CMTM4: variants seen among roughly 807,000 people sequenced by gnomAD.
CMTM4 encodes CKLF-like MARVEL transmembrane domain-containing protein 4.
Under a neutral mutation model 19.0 loss-of-function variants are expected in CMTM4, and 8 were observed. That is an observed-to-expected ratio of 0.42 (90% CI 0.25 to 0.76). The LOEUF (loss-of-function observed/expected upper bound fraction) is 0.76, where lower values mean the gene tolerates loss of function less well. CMTM4 is among the 30% of genes least tolerant of loss of function. The pLI, the probability that CMTM4 is intolerant of heterozygous loss-of-function variation, is 0.27. For missense variants in CMTM4, 228 were observed against 290.2 expected (o/e 0.79, Z 1.56); for synonymous variants, 106 against 121.1 (o/e 0.88, Z 0.82).
intron 1 of CMTM4, among the ~76,000 whole-genome samples, chr16:66,694,269 G>T (rs2017190664): frequency 6.6e-6 from 1 of 152,018 alleles, no homozygotes; most frequent in African/African-American, 2.4e-5. Context: ...GATCCTTTTA[G>T]GGACAAGTTC....
chr16:66,654,317 G>A (rs2016360722), intron 1 of CMTM4, among the ~76,000 whole-genome samples: 1 of 152,152 alleles, frequency 6.6e-6, no homozygotes, highest in Admixed American at 6.6e-5. Context: ...CTAGGCACTA[G>A]TGATCACCCT....
In CMTM4 at chr16:66,621,142, A is replaced by T; in HGVS notation, c.*916T>A. 1.0e-6 allele frequency: 1 copy of T among 985,784 alleles called. No individual in the cohort carries two copies. Among genetic ancestry groups the T allele is most frequent in the Non-Finnish European group, 1.2e-6 (1 of 829,940 alleles). 61.1% of individuals were successfully genotyped at this position (985,784 alleles called of 1,614,324 possible). ...AAATTAGCACACATCCCTAAAATAG[A>T]GGGGTGTGTGTGTGCATGTGTGCGC... On this transcript the variant is annotated 3_prime_UTR_variant, in exon 4 of 4. Coordinates refer to ENST00000394106, the MANE Select transcript of CMTM4 (RefSeq NM_181521.3).
At chr16:66,626,892 G>C (rs1018291049) in intron 2 of CMTM4, among the ~76,000 whole-genome samples, 5 of 152,034 alleles carry the variant, frequency 3.3e-5, no homozygotes, top group Admixed American at 3.3e-4. Flanking sequence ...TTGAGCTCAG[G>C]AGTTCGAGAC....
At chr16:66,608,624 CCA>C in the CMTM4 span, among the ~76,000 whole-genome samples, 1 of 152,198 alleles carries the variant, frequency 6.6e-6, no homozygotes, top group Admixed American at 6.5e-5. This position sits in a 1 kb window ranked among gnomAD's most constrained non-coding sequence, Gnocchi z 5.1. Context: ...CATCCCAGCT[CCA>C]CTACTCAGCA....
chr16:66,626,906 C>T (rs551435473), intron 2 of CMTM4, among the ~76,000 whole-genome samples: 1 of 152,154 alleles, frequency 6.6e-6, no homozygotes, highest in African/African-American at 2.4e-5. Context: ...TCGAGACCAG[C>T]CTGGGCAACA....
intron 1 of CMTM4, among the ~76,000 whole-genome samples, chr16:66,645,578 C>CA (rs2016178794): frequency 1.3e-5 from 2 of 151,014 alleles, no homozygotes; most frequent in South Asian, 4.2e-4. Flanking sequence ...ATCTCAAAAA[C>CA]AAAAAACAAA....
chr16:66,638,830 A>G (rs1027364648), intron 1 of CMTM4, among the ~76,000 whole-genome samples: 2 of 152,124 alleles, frequency 1.3e-5, no homozygotes, highest in African/African-American at 4.8e-5. Flanking sequence ...ACTGCACTCT[A>G]GCCTGGGCGA....
chr16:66,612,708 C>T (rs1202645707), downstream of CMTM4: 15 of 1,497,910 alleles, frequency 1.0e-5, 1 homozygote, highest in South Asian at 3.4e-5. This position sits in a 1 kb window ranked among gnomAD's most constrained non-coding sequence, Gnocchi z 6.0. Flanking sequence ...GGGTCGCTGG[C>T]GTTGGAGCGG....
chr16:66,617,237 A>T lies in CMTM4; in HGVS notation c.*4821T>A. 1 of 1,592,902 alleles carries T rather than the reference A, an allele frequency of 6.3e-7. No homozygotes were observed. Among genetic ancestry groups the T allele is most frequent in the African/African-American group, 1.3e-5 (1 of 74,366 alleles). On this transcript the variant is annotated 3_prime_UTR_variant, in exon 4 of 4. Coordinates refer to ENST00000394106, the MANE Select transcript of CMTM4 (RefSeq NM_181521.3). ...ACATAGACAACAAACTTACCCTATG[A>T]AATAGATACACAGTTCAAGGACCCA...
chr16:66,641,732 CTG>C (rs2016100176), intron 1 of CMTM4, among the ~76,000 whole-genome samples: 2 of 152,312 alleles, frequency 1.3e-5, no homozygotes, highest in African/African-American at 4.8e-5. Flanking sequence ...CAAATGGTCA[CTG>C]TGTTCAAAAT....
At chr16:66,670,794 A>G (rs1327716034) in intron 1 of CMTM4, among the ~76,000 whole-genome samples, 1 of 151,986 alleles carries the variant, frequency 6.6e-6, no homozygotes, top group Non-Finnish European at 1.5e-5. Flanking sequence ...GCAAGACTCC[A>G]TATAAAAAAA....
chr16:66,680,773 C>CAA (rs35127974), intron 1 of CMTM4, among the ~76,000 whole-genome samples: 514 of 32,192 alleles, frequency 0.016, 34 homozygotes, highest in Non-Finnish European at 0.022. Flanking sequence ...GACTCCGTCT[C>CAA]AAAAAAAAAA....
chr16:66,688,531 C>T (rs1596966510), intron 1 of CMTM4, among the ~76,000 whole-genome samples: 1 of 129,346 alleles, frequency 7.7e-6, no homozygotes, highest in Admixed American at 8.3e-5. Flanking sequence ...CCCCTCAACA[C>T]ACACACACAC....
At chr16:66,625,521 T>G (rs1219713693) in intron 2 of CMTM4, among the ~76,000 whole-genome samples, 1 of 152,020 alleles carries the variant, frequency 6.6e-6, no homozygotes, top group African/African-American at 2.4e-5. Flanking sequence ...TTTGCTTTAG[T>G]AATGATCATT....
At chr16:66,608,350 A>G in the CMTM4 span, 1 of 1,614,204 alleles carries the variant, frequency 6.2e-7, no homozygotes. This position sits in a 1 kb window ranked among gnomAD's most constrained non-coding sequence, Gnocchi z 5.1. Context: ...TGGCGTCCTC[A>G]GCATCTGCCT....
intron 1 of CMTM4, among the ~76,000 whole-genome samples, chr16:66,686,048 A>G (rs1445225543): frequency 1.3e-5 from 2 of 152,078 alleles, no homozygotes; most frequent in East Asian, 3.9e-4. Context: ...AGGTCAAGAG[A>G]TCAAGACCAT....
At chr16:66,606,284 G>A in the CMTM4 span, among the ~76,000 whole-genome samples, 1 of 152,072 alleles carries the variant, frequency 6.6e-6, no homozygotes, top group Admixed American at 6.5e-5. Flanking sequence ...CAGAAATCGC[G>A]GGATGAAAAA....
chr16:66,646,450 ATATAT>A (rs1054563411), intron 1 of CMTM4, among the ~76,000 whole-genome samples: 2 of 152,188 alleles, frequency 1.3e-5, no homozygotes, highest in Non-Finnish European at 2.9e-5. Context: ...TATCACATGT[ATATAT>A]TATAGATTCA....
In CMTM4 at chr16:66,617,156, C is replaced by T. The variant is rs2015540676; in HGVS notation, c.*4902G>A. The T allele has an allele frequency of 1.0e-6, 1 of 967,174 alleles. No individual in the cohort carries two copies. The allele number at this position is 967,174 out of a possible 1,614,324, so 59.9% of individuals were successfully genotyped here. On this transcript the variant is annotated 3_prime_UTR_variant, in exon 4 of 4. Transcript: ENST00000394106. ...TATGCATCCCAAAGAAAACACGCCA[C>T]CCCAGGTGTCTAGATAGCAAGTCAC...
Sources: allele counts gnomAD v4.1 joint callset (sites outside exome capture counted in the v4.1 genomes callset), GRCh38; gene constraint gnomAD v4.1.1; non-coding constraint Gnocchi (gnomAD v3.1); transcripts MANE v1.5; gene names NCBI Gene and HGNC (gene_info 2026-07-23, HGNC 2026-07-21).